The following SLC35F4 variants were observed in gnomAD, a reference collection of about 807,000 sequenced individuals.
SLC35F4 encodes the protein solute carrier family 35 member F4.
In SLC35F4, 24 loss-of-function variants were observed where a neutral mutation model predicts 44.2. That is an observed-to-expected ratio of 0.54 (90% CI 0.39 to 0.76). The LOEUF (loss-of-function observed/expected upper bound fraction) is 0.76. SLC35F4 is among the 30% of genes least tolerant of loss of function. The pLI is 0.00. For synonymous variants in SLC35F4, 238 were observed against 223.6 expected (o/e 1.06, Z -0.57); for missense variants, 562 against 586.1 (o/e 0.96, Z 0.42).
At chr14:57,967,300 C>A (rs1422575815) in intron 1 of SLC35F4, among the ~76,000 whole-genome samples, 1 of 152,178 alleles carries the variant, frequency 6.6e-6, no homozygotes, top group Non-Finnish European at 1.5e-5. Context: ...TTAAGGCTGA[C>A]AGCCCCTTTG....
intron 3 of SLC35F4, among the ~76,000 whole-genome samples, chr14:57,585,633 C>A (rs1383581422): frequency 6.6e-6 from 1 of 152,198 alleles, no homozygotes; most frequent in Non-Finnish European, 1.5e-5. Flanking sequence ...TGATAAGGAA[C>A]TTCAGCAAAA....
intron 1 of SLC35F4, among the ~76,000 whole-genome samples, chr14:57,889,180 C>T (rs999523952): frequency 1.3e-5 from 2 of 152,184 alleles, no homozygotes; most frequent in African/African-American, 4.8e-5. Flanking sequence ...CTTCCTGGGG[C>T]AGTTCATCTG....
At chr14:57,812,893 G>A (rs866564818) in intron 1 of SLC35F4, among the ~76,000 whole-genome samples, 28 of 152,290 alleles carry the variant, frequency 1.8e-4, no homozygotes, top group African/African-American at 5.5e-4. Flanking sequence ...ACCACAGGCC[G>A]TGACCTTCCT....
At chr14:57,661,253 C>T (rs995989761) in intron 1 of SLC35F4, among the ~76,000 whole-genome samples, 1 of 152,104 alleles carries the variant, frequency 6.6e-6, no homozygotes, top group Non-Finnish European at 1.5e-5. Context: ...GGGCACACAA[C>T]TAATCATTGG....
chr14:57,664,065 TG>T (rs1271752144), intron 1 of SLC35F4, among the ~76,000 whole-genome samples: 1 of 152,122 alleles, frequency 6.6e-6, no homozygotes, highest in Admixed American at 6.6e-5. Flanking sequence ...TAAACTCTGA[TG>T]GAAATATTAA....
At chr14:57,629,408 A>C (rs997309661) in intron 1 of SLC35F4, among the ~76,000 whole-genome samples, 1 of 152,116 alleles carries the variant, frequency 6.6e-6, no homozygotes, top group Non-Finnish European at 1.5e-5. Flanking sequence ...GGACTGAAGC[A>C]TTGCCTTTCT....
chr14:57,756,735 G>A (rs1594973675), intron 1 of SLC35F4, among the ~76,000 whole-genome samples: 1 of 151,896 alleles, frequency 6.6e-6, no homozygotes, highest in African/African-American at 2.4e-5. Flanking sequence ...GCTCCCTGCA[G>A]CCTTGACCTC....
At chr14:57,608,824 T>C (rs1026109136) in intron 1 of SLC35F4, among the ~76,000 whole-genome samples, 2 of 143,198 alleles carry the variant, frequency 1.4e-5, no homozygotes, top group Non-Finnish European at 3.0e-5. Context: ...CAGGAAATTA[T>C]AACAATACAG....
At chr14:57,737,274 T>C (rs1488666864) in intron 1 of SLC35F4, among the ~76,000 whole-genome samples, 3 of 152,090 alleles carry the variant, frequency 2.0e-5, no homozygotes, top group East Asian at 3.9e-4. Flanking sequence ...CAGTCAGTGA[T>C]TAGGAATACC....
rs550872291 is a variant in SLC35F4 at position 57,744,903 on chromosome 14, A to G, written c.103+120820T>C. On this transcript the variant is annotated intron_variant, in intron 1 of 7. Transcript: ENST00000556826. The stretch of plus-strand genomic sequence containing the variant: ...GGTACCAAAACAGAGATATAGACCA[A>G]TGGAACAGAACACAGCCCTCAGAAA... Among the ~76,000 whole-genome samples, 14 of 152,320 alleles carry G rather than the reference A, an allele frequency of 9.2e-5. No homozygotes were observed. In the South Asian group the frequency reaches 2.7e-3, roughly 29 times the overall value.
At chr14:57,846,917 TC>T (rs1886082377) in intron 1 of SLC35F4, among the ~76,000 whole-genome samples, 1 of 152,196 alleles carries the variant, frequency 6.6e-6, no homozygotes, top group African/African-American at 2.4e-5. Context: ...CCCAGCTTGT[TC>T]TAGGAAAGCG....
At chr14:57,824,061 C>T (rs10142654) in intron 1 of SLC35F4, among the ~76,000 whole-genome samples, 27,269 of 151,806 alleles carry the variant, frequency 0.18, 3,467 homozygotes, top group African/African-American at 0.36. Flanking sequence ...ATTGATGGAA[C>T]CTGAAGGACC....
chr14:57,618,610 G>A (rs1013184333), intron 1 of SLC35F4, among the ~76,000 whole-genome samples: 1 of 152,328 alleles, frequency 6.6e-6, no homozygotes, highest in Admixed American at 6.5e-5. Context: ...AAACTGGGTG[G>A]TCACTTGGGC....
chr14:57,963,790 G>A (rs570984010), intron 1 of SLC35F4, among the ~76,000 whole-genome samples: 3 of 126,564 alleles, frequency 2.4e-5, no homozygotes, highest in East Asian at 5.1e-4. Context: ...TCGTGCAATC[G>A]TATTTCACTG....
At chr14:57,654,999 AG>A (rs1488187730) in intron 1 of SLC35F4, among the ~76,000 whole-genome samples, 4 of 152,268 alleles carry the variant, frequency 2.6e-5, no homozygotes, top group Non-Finnish European at 5.9e-5. Context: ...TCTGTACTCC[AG>A]GGTGGCGTGA....
chr14:57,704,900 T>C (rs893311805), intron 1 of SLC35F4, among the ~76,000 whole-genome samples: 26 of 152,194 alleles, frequency 1.7e-4, no homozygotes, highest in African/African-American at 4.6e-4. Context: ...TCAGGGCTTC[T>C]TGCAGCAGAG....
chr14:57,860,748 C>A (rs1157099296), intron 1 of SLC35F4, among the ~76,000 whole-genome samples: 5 of 152,152 alleles, frequency 3.3e-5, no homozygotes, highest in South Asian at 2.1e-4. Flanking sequence ...TTATAGCATA[C>A]AAACCACCAC....
At chr14:57,632,604 C>G (rs1050046968) in intron 1 of SLC35F4, among the ~76,000 whole-genome samples, 2 of 152,114 alleles carry the variant, frequency 1.3e-5, no homozygotes, top group African/African-American at 4.8e-5. Context: ...TTCCCCACCA[C>G]AGTGGCACAT....
rs58292143 is a variant in SLC35F4 at position 57,944,694 on chromosome 14, G to A, written n.282+37219C>T. 1.7e-4 allele frequency among the ~76,000 whole-genome samples: 10 copies of A among 59,020 alleles called. No homozygotes were observed. In the South Asian group the frequency reaches 2.2e-3, roughly 13 times the overall value. 38.7% of individuals were successfully genotyped at this position (59,020 alleles called of 152,430 possible). A position where few individuals can be genotyped will look rare whatever the true frequency, so the allele number is the denominator to read the frequency against. On this transcript the variant is annotated intron_variant and non_coding_transcript_variant, in intron 1 of 1. Coordinates refer to the SLC35F4 transcript ENST00000556568. ...AAGAAAGAAAAAGAAAAGAAAGAAA[G>A]AAAAGAAAGAAAGAAAGAAAGAAAG...
Sources: allele counts gnomAD v4.1 joint callset (sites outside exome capture counted in the v4.1 genomes callset), GRCh38; gene constraint gnomAD v4.1.1; transcripts MANE v1.5; gene names NCBI Gene and HGNC (gene_info 2026-07-23, HGNC 2026-07-21).